The following SLC2A7 variants were observed in gnomAD, a reference collection of about 807,000 sequenced individuals.
The protein encoded by SLC2A7 is solute carrier family 2 member 7.
In SLC2A7, 50 loss-of-function variants were observed where a neutral mutation model predicts 50.5. That is an observed-to-expected ratio of 0.99 (90% CI 0.79 to 1.25). SLC2A7 has a LOEUF of 1.25. Among genes scored for constraint, SLC2A7 ranks in the 50% most tolerant of loss-of-function variants. The pLI, the probability that SLC2A7 is intolerant of heterozygous loss-of-function variation, is 0.00. For missense variants in SLC2A7, 683 were observed against 679.1 expected (o/e 1.01, Z -0.06); for synonymous variants, 308 against 300.4 (o/e 1.03, Z -0.26).
intron 5 of SLC2A7, among the ~76,000 whole-genome samples, chr1:9,017,247 G>C (rs927757813): frequency 6.6e-6 from 1 of 152,182 alleles, no homozygotes; most frequent in African/African-American, 2.4e-5. Flanking sequence ...TTGAACCCGG[G>C]AAGCGGAAGT....
intron 5 of SLC2A7, among the ~76,000 whole-genome samples, chr1:9,016,811 T>G (rs543433529): frequency 2.8e-4 from 42 of 150,452 alleles, no homozygotes; most frequent in Admixed American, 1.1e-3. Flanking sequence ...TGGTCCATCC[T>G]CTTATCCTCT....
rs762394226 is a variant in SLC2A7 at position 9,025,085 on chromosome 1, C to T, written c.52-11G>A. 6.2e-7 allele frequency: 1 copy of T among 1,613,492 alleles called. No individual in the cohort carries two copies. Among genetic ancestry groups the T allele is most frequent in the Non-Finnish European group, 8.5e-7 (1 of 1,179,892 alleles). On this transcript the variant is annotated splice_polypyrimidine_tract_variant and intron_variant, in intron 1 of 11. Transcript: ENST00000400906. The stretch of plus-strand genomic sequence containing the variant: ...CGTCGGCTGGAGCCGCTGTAGGAGA[C>T]AAGTCCAAGGTCGGGACGCTGTGGG...
intron 2 of SLC2A7, 89 bp from the exon 3 acceptor site, chr1:9,023,167 C>T: frequency 7.0e-6 from 10 of 1,426,220 alleles, no homozygotes; most frequent in Non-Finnish European, 9.6e-6. Flanking sequence ...TGTCATTGTA[C>T]AGAGAGGTTT....
downstream of SLC2A7, among the ~76,000 whole-genome samples, chr1:8,999,009 A>G (rs1383445302): frequency 6.6e-6 from 1 of 152,182 alleles, no homozygotes; most frequent in Non-Finnish European, 1.5e-5. Context: ...TTTGTGTTAA[A>G]TGAGTATTAT....
downstream of SLC2A7, among the ~76,000 whole-genome samples, chr1:9,001,437 T>TTTTG: frequency 6.7e-6 from 1 of 149,830 alleles, no homozygotes; most frequent in Non-Finnish European, 1.5e-5. Flanking sequence ...TTTTTTTTTT[T>TTTTG]TTTAGACAGG....
chr1:9,018,048 G>A (rs561767101), intron 5 of SLC2A7, among the ~76,000 whole-genome samples, 175 bp downstream of exon 5: 5 of 151,890 alleles, frequency 3.3e-5, no homozygotes, highest in African/African-American at 7.2e-5. Context: ...ACGATTTGTC[G>A]CCATCACTCA....
In SLC2A7 at chr1:9,003,403, C is replaced by G. The variant is rs371749857; in HGVS notation, c.1436G>C (p.Arg479Pro). 8.7e-6 allele frequency: 14 copies of G among 1,614,046 alleles called. No homozygotes were observed. Among genetic ancestry groups the G allele is most frequent in the African/African-American group, 1.3e-5 (1 of 74,912 alleles). ...TKGKTFVEIN[R>P]IFAKRNRVKL... ...CACCCTGTTTCTCTTGGCAAAAATG[C>G]GGTTTATCTCCACAAATGTTTTGCC... is the stretch of plus-strand genomic sequence containing the variant. Residue 479 changes from arginine to proline, a missense_variant, in exon 12 of 12, where the codon CGC (arginine) becomes CCC (proline). Coordinates refer to ENST00000400906, the MANE Select transcript of SLC2A7 (RefSeq NM_207420.3).
intron 8 of SLC2A7, among the ~76,000 whole-genome samples, chr1:9,012,592 C>T (rs556053323): frequency 1.3e-5 from 2 of 152,144 alleles, no homozygotes; most frequent in African/African-American, 4.8e-5. Context: ...GGGGAAAATA[C>T]AAATAATAGA....
At chr1:9,007,715 C>G (rs1278205202) in intron 9 of SLC2A7, among the ~76,000 whole-genome samples, 2 of 151,700 alleles carry the variant, frequency 1.3e-5, no homozygotes, top group Non-Finnish European at 2.9e-5. Flanking sequence ...TACTCCTCTG[C>G]CCTCTGAGTG....
In SLC2A7 at chr1:9,007,330, G is replaced by A. The variant is rs769352024; in HGVS notation, c.1172C>T (p.Ala391Val). Residue 391 changes from alanine to valine, a missense_variant, in exon 10 of 12, where the codon GCG (alanine) becomes GTG (valine). Transcript: ENST00000400906. The stretch of plus-strand genomic sequence containing the variant: ...CTCACTGGGCCCAATGGAATGTCCC[G>A]CGATGTAGGCAAAGACACAGATGAT... ...LGIICVFAYI[A>V]GHSIGPSPVP... 8 of 1,614,078 alleles carry A rather than the reference G, an allele frequency of 5.0e-6. No individual in the cohort carries two copies. The highest frequency in any genetic ancestry group is 1.7e-5 in the Admixed American group (1 of 60,006).
At chr1:9,004,437 G>A (rs1640622363) in intron 11 of SLC2A7, among the ~76,000 whole-genome samples, 1 of 152,130 alleles carries the variant, frequency 6.6e-6, no homozygotes, top group South Asian at 2.1e-4. Flanking sequence ...CTTGTCTTCG[G>A]AACAGAGGAA....
the SLC2A7 span, among the ~76,000 whole-genome samples, chr1:8,997,884 T>C: frequency 2.0e-5 from 3 of 152,334 alleles, no homozygotes; most frequent in Middle Eastern, 3.4e-3. Flanking sequence ...CTTTTATGGA[T>C]TGTGCTTTTA....
chr1:9,020,559 C>A lies in SLC2A7; in HGVS notation c.312-1226G>T, dbSNP rs550423896. ...CAGCAATGGCTCCTGTGCCCCCCCC[C>A]ACCCCCCCGCCTTTGGCTTGGGTTT... On this transcript the variant is annotated intron_variant, in intron 3 of 11. Transcript: ENST00000400906. 1.8e-3 allele frequency among the ~76,000 whole-genome samples: 258 copies of A among 145,132 alleles called. 2 individuals carry two copies. Among genetic ancestry groups the A allele is most frequent in the Middle Eastern group, 3.4e-3 (1 of 290 alleles).
At chr1:9,020,469 C>G (rs549218674) in intron 3 of SLC2A7, among the ~76,000 whole-genome samples, 1 of 151,994 alleles carries the variant, frequency 6.6e-6, no homozygotes, top group Non-Finnish European at 1.5e-5. Context: ...ATGCCAGGTG[C>G]GTCCTGCTGC....
At chr1:9,001,807 C>T (rs1287348025), downstream of SLC2A7, among the ~76,000 whole-genome samples, 1 of 152,102 alleles carries the variant, frequency 6.6e-6, no homozygotes, top group African/African-American at 2.4e-5. Flanking sequence ...ACTCCCTTGC[C>T]TGTGGCCCCT....
Position 9,026,281 on chromosome 1 carries a change from G to A in SLC2A7, c.51+14C>T, listed in dbSNP as rs1465948868. ...GGAGAGGGACAGTGACAGGTTCCTA[G>A]TCTTGGCACTTACCCCCTCCCTGGA... On this transcript the variant is annotated intron_variant, in intron 1 of 11. Transcript: ENST00000400906. 1 of 1,608,478 alleles carries A rather than the reference G, an allele frequency of 6.2e-7. No individual in the cohort carries two copies. The highest frequency in any genetic ancestry group is 1.1e-5 in the South Asian group (1 of 89,712).
chr1:9,011,308 T>A (rs1640746014), intron 8 of SLC2A7, among the ~76,000 whole-genome samples: 1 of 152,192 alleles, frequency 6.6e-6, no homozygotes, highest in East Asian at 1.9e-4. Context: ...AGTAGCCACC[T>A]CCTGATCTGT....
chr1:9,008,493 C>T lies in SLC2A7; in HGVS notation c.1117-1108G>A, dbSNP rs1640692117. On this transcript the variant is annotated intron_variant, in intron 9 of 11. Coordinates refer to ENST00000400906, the MANE Select transcript of SLC2A7 (RefSeq NM_207420.3). This position sits in a 1 kb window ranked among gnomAD's most constrained non-coding sequence, Gnocchi z 5.9. ...GAGTGAAAGAGCCACCGGGGATGCC[C>T]CTAGGTTTCAGAAGTGTCACTGGCG... is the stretch of plus-strand genomic sequence containing the variant. 1.3e-5 allele frequency among the ~76,000 whole-genome samples: 2 copies of T among 152,266 alleles called. No individual in the cohort carries two copies. Among genetic ancestry groups the T allele is most frequent in the South Asian group, 4.2e-4 (2 of 4,818 alleles).
At chr1:9,007,490 G>T (rs1352845347) in intron 9 of SLC2A7, 105 bp from the exon 10 acceptor site, 14 of 1,051,500 alleles carry the variant, frequency 1.3e-5, no homozygotes, top group Non-Finnish European at 2.0e-5. Context: ...GCTGCACCTA[G>T]ATGTCTGGGC....
Sources: allele counts gnomAD v4.1 joint callset (sites outside exome capture counted in the v4.1 genomes callset), GRCh38; gene constraint gnomAD v4.1.1; non-coding constraint Gnocchi (gnomAD v3.1); transcripts MANE v1.5; gene names NCBI Gene and HGNC (gene_info 2026-07-23, HGNC 2026-07-21).